TADA3: variants seen among roughly 807,000 people sequenced by gnomAD.
The protein encoded by TADA3 is transcriptional adaptor 3.
TADA3 carries 25 observed loss-of-function variants against 43.2 expected under a neutral mutation model. The ratio of observed to expected loss-of-function variants is 0.58; its 90% CI spans 0.42 to 0.81. The LOEUF is 0.81. Among genes scored for constraint, TADA3 ranks in the 30% least tolerant of loss-of-function variants. TADA3 has a pLI of 0.00. For missense variants in TADA3, 441 were observed against 567.8 expected (o/e 0.78, Z 2.27); for synonymous variants, 235 against 225.5 (o/e 1.04, Z -0.38).
At chr3:9,783,795 A>G (rs1396679621) in intron 8 of TADA3, 2 of 735,498 alleles carry the variant, frequency 2.7e-6, no homozygotes, top group Non-Finnish European at 3.9e-6. Context: ...AACAAAACAA[A>G]AACAAATCAA....
rs1252218675 is a variant in TADA3 at position 9,780,252 on chromosome 3, A to T, written c.*105T>A. On this transcript the variant is annotated 3_prime_UTR_variant, in exon 9 of 9. Coordinates refer to ENST00000301964, the MANE Select transcript of TADA3 (RefSeq NM_006354.5). The stretch of plus-strand genomic sequence containing the variant: ...CCACGGCCCTCTAGAGACTGCCGCC[A>T]TTTGAGGGACAGCCACAGGCCAATG... 1 of 1,275,930 alleles carries T rather than the reference A, an allele frequency of 7.8e-7. No homozygotes were observed. Among genetic ancestry groups the T allele is most frequent in the Non-Finnish European group, 1.1e-6 (1 of 925,656 alleles). The allele number at this position is 1,275,930 out of a possible 1,614,324, so 79.0% of individuals were successfully genotyped here. A position where few individuals can be genotyped will look rare whatever the true frequency, so the allele number is the denominator to read the frequency against.
At chr3:9,788,650 C>G (rs1480955525) in intron 4 of TADA3, among the ~76,000 whole-genome samples, 1 of 151,926 alleles carries the variant, frequency 6.6e-6, no homozygotes, top group African/African-American at 2.4e-5. Context: ...GGTGATTTTC[C>G]TGGCTCAGCC....
At chr3:9,783,965 TG>T in intron 8 of TADA3, 62 bp downstream of exon 8, 1 of 1,531,438 alleles carries the variant, frequency 6.5e-7, no homozygotes, top group Non-Finnish European at 8.8e-7. Context: ...CCCTGAAAGG[TG>T]ACTAGCCGTG....
At chr3:9,785,550 T>C (rs974951668) in intron 6 of TADA3, 125 bp from the exon 7 acceptor site, 6 of 666,562 alleles carry the variant, frequency 9.0e-6, no homozygotes, top group African/African-American at 3.6e-5. Context: ...CCACCTACCG[T>C]GGGAAGCCTT....
chr3:9,792,895 C>T (rs2078777261), upstream of TADA3: 3 of 1,397,702 alleles, frequency 2.1e-6, no homozygotes, highest in Non-Finnish European at 1.9e-6. Context: ...CCTGGAGGAG[C>T]TTAAATAGTG....
chr3:9,789,990 G>A (rs200731930), intron 2 of TADA3, 27 bp from the exon 3 acceptor site: 8 of 1,557,028 alleles, frequency 5.1e-6, no homozygotes, highest in South Asian at 4.9e-5. Context: ...GTGTCACTGA[G>A]GGGGAGAAGG....
Position 9,780,132 on chromosome 3 carries a change from C to G in TADA3, c.*225G>C, listed in dbSNP as rs2078425290. On this transcript the variant is annotated 3_prime_UTR_variant, in exon 9 of 9. Coordinates refer to ENST00000301964, the MANE Select transcript of TADA3 (RefSeq NM_006354.5). Reference sequence around the variant, plus strand: ...AACGAAGTCCCCTCCAACCCCATCTCGGGGACCAAGCAGAGACTAGGCCTC... The same window carrying G: ...AACGAAGTCCCCTCCAACCCCATCTGGGGGACCAAGCAGAGACTAGGCCTC... The G allele has an allele frequency of 2.2e-6, 1 of 447,360 alleles. No homozygotes were observed. Among genetic ancestry groups the G allele is most frequent in the Non-Finnish European group, 4.0e-6 (1 of 252,952 alleles). The allele number at this position is 447,360 out of a possible 1,614,324, so 27.7% of individuals were successfully genotyped here.
chr3:9,780,631 AC>A, intron 8 of TADA3, 82 bp from the exon 9 acceptor site: 1 of 1,425,470 alleles, frequency 7.0e-7, no homozygotes, highest in Non-Finnish European at 9.4e-7. Flanking sequence ...GAGCCTACCC[AC>A]CAGCCCAGGC....
Position 9,786,981 on chromosome 3 carries a change from T to C in TADA3, c.810+25A>G, listed in dbSNP as rs752658896. ...CATTAAAACACAAAGTAAATATGGT[T>C]CCTCTTTTGGGTTAGGCTGCTCACC... On this transcript the variant is annotated intron_variant, in intron 6 of 8. Transcript: ENST00000301964. The C allele has an allele frequency of 1.0e-5, 16 of 1,586,176 alleles. No individual in the cohort carries two copies. The Admixed American group carries it at 2.7e-4, about 27-fold the overall frequency.
At chr3:9,786,966 C>CA in intron 6 of TADA3, 40 bp downstream of exon 6, 2 of 1,551,502 alleles carry the variant, frequency 1.3e-6, no homozygotes, top group Non-Finnish European at 1.8e-6. Context: ...CATTAAAACA[C>CA]AAAGTAAATA....
At chr3:9,786,897 C>G in intron 6 of TADA3, 109 bp downstream of exon 6, 2 of 1,021,062 alleles carry the variant, frequency 2.0e-6, no homozygotes, top group East Asian at 4.8e-5. Context: ...TTGCACCAAC[C>G]TATTTTTGCA....
rs1180187346 is a variant in TADA3, at chr3:9,786,966, C to A, written c.810+40G>T. On this transcript the variant is annotated intron_variant, in intron 6 of 8. Coordinates refer to ENST00000301964, the MANE Select transcript of TADA3 (RefSeq NM_006354.5). ...AAAATAAGCATAACACATTAAAACACAAAGTAAATATGGTTCCTCTTTTGG... is the reference window on the plus strand; with the variant it reads ...AAAATAAGCATAACACATTAAAACAAAAAGTAAATATGGTTCCTCTTTTGG... The A allele has an allele frequency of 4.5e-6, 7 of 1,551,502 alleles. No homozygotes were observed. The African/African-American group carries it at 9.5e-5, about 21-fold the overall frequency.
intron 8 of TADA3, chr3:9,783,792 C>T: frequency 1.4e-6 from 1 of 713,160 alleles, no homozygotes; most frequent in Non-Finnish European, 2.0e-6. Flanking sequence ...AAAAACAAAA[C>T]AAAAACAAAT....
rs1008540044 is a variant in TADA3, at chr3:9,790,588, T to C, written c.208-625A>G. Among the ~76,000 whole-genome samples the C allele has an allele frequency of 7.2e-5, 11 of 152,336 alleles. No homozygotes were observed. In the East Asian group the frequency reaches 2.1e-3, roughly 29 times the overall value. The stretch of plus-strand genomic sequence containing the variant: ...CATCTCTATTTTGCAGAATACAGCA[T>C]AGCGCCTGGCACACAAGGCTCAAGG... On this transcript the variant is annotated intron_variant, in intron 2 of 8. Coordinates refer to ENST00000301964, the MANE Select transcript of TADA3 (RefSeq NM_006354.5).
rs1331303990 is a variant in TADA3 at position 9,787,246 on chromosome 3, T to A, written c.659A>T (p.Asp220Val). The change falls in exon 5 of 9, where the codon GAC becomes GTC. Residue 220 changes from aspartate (D) to valine (V), a missense_variant. Physicochemically the swap from Asp to Val is radical, Grantham distance 152 (BLOSUM62 -3). Coordinates refer to ENST00000301964, the MANE Select transcript of TADA3 (RefSeq NM_006354.5). ...TGGCCCCATGAGGCCTTTCTTCTTG[T>A]CAGCCACAGCCGCTGCCCGGGCCCC... ...KDGARAAAVA[D>V]KKKGLMGPLT... 2 of 1,614,228 alleles carry A rather than the reference T, an allele frequency of 1.2e-6. No individual in the cohort carries two copies. Among genetic ancestry groups the A allele is most frequent in the Admixed American group, 1.7e-5 (1 of 60,020 alleles).
chr3:9,781,830 CTTCTTT>C (rs1559715567), intron 8 of TADA3, among the ~76,000 whole-genome samples: 1 of 129,780 alleles, frequency 7.7e-6, no homozygotes, highest in East Asian at 2.5e-4. Flanking sequence ...TTGCCCATTA[CTTCTTT>C]TTTTTTTTTT....
At chr3:9,789,078 T>C (rs1419096645) in intron 4 of TADA3, among the ~76,000 whole-genome samples, 3 of 152,158 alleles carry the variant, frequency 2.0e-5, no homozygotes, top group Non-Finnish European at 4.4e-5. Context: ...TCAAGCAATC[T>C]GCCCGCCCCG....
chr3:9,787,414 CCTAT>C (rs2078641463), intron 4 of TADA3, 74 bp from the exon 5 acceptor site: 2 of 1,526,808 alleles, frequency 1.3e-6, no homozygotes, highest in African/African-American at 2.8e-5. Context: ...CATTCACTTA[CCTAT>C]CTTATATCTC....
Position 9,784,864 on chromosome 3 carries a change from C to CA in TADA3, c.920+451dup, listed in dbSNP as rs56673103. ...AAACGACAAGAGCGAGACTCCATCT[C>CA]AAAAAAAAAAAAAGAAAAAGAAAAA... On this transcript the variant is annotated intron_variant, in intron 7 of 8. Transcript: ENST00000301964. Among the ~76,000 whole-genome samples, 115 of 97,234 alleles carry CA rather than the reference C, an allele frequency of 1.2e-3. 1 individual carries two copies. The highest frequency in any genetic ancestry group is 3.1e-3 in the East Asian group (11 of 3,580). The allele number at this position is 97,234 out of a possible 152,430, so 63.8% of individuals were successfully genotyped here. A position where few individuals can be genotyped will look rare whatever the true frequency, so the allele number is the denominator to read the frequency against.
Sources: gnomAD v4.1 joint callset for allele counts (sites outside exome capture counted in the v4.1 genomes callset) on GRCh38, gnomAD v4.1.1 for gene constraint, MANE v1.5 for transcripts, NCBI Gene and HGNC (gene_info 2026-07-23, HGNC 2026-07-21) for gene names.